THNSL1: variants seen among roughly 807,000 people sequenced by gnomAD.
The protein encoded by THNSL1 is threonine synthase like 1.
A neutral mutation model predicts 50.4 loss-of-function variants in THNSL1; 48 were observed. The observed-to-expected ratio is 0.95, with a 90% CI of 0.76 to 1.21. THNSL1 has a LOEUF of 1.21. THNSL1 is among the 50% of genes most tolerant of loss of function. The probability of loss-of-function intolerance (pLI) is 0.00; values close to 1 mark genes in which losing one functional copy is unlikely to be tolerated. For missense variants in THNSL1, 896 were observed against 871.7 expected, an observed-to-expected ratio of 1.03 and a Z score of -0.35; for synonymous variants, 309 against 306.1, an observed-to-expected ratio of 1.01 and a Z score of -0.10.
upstream of THNSL1, chr10:25,016,120 A>C (rs1486831986): frequency 7.9e-7 from 1 of 1,262,774 alleles, no homozygotes; most frequent in Non-Finnish European, 1.0e-6. Context: ...GGAAGAAAAC[A>C]CCCTATTTCT....
chr10:24,971,483 A>G, the THNSL1 span, among the ~76,000 whole-genome samples: 1 of 152,178 alleles, frequency 6.6e-6, no homozygotes, highest in African/African-American at 2.4e-5. Context: ...CTCCCAAGCA[A>G]TATCAAAGAG....
chr10:25,024,702 A>C lies in THNSL1; in HGVS notation c.1479A>C (p.Gln493His). 6.2e-7 allele frequency: 1 copy of C among 1,614,244 alleles called. No homozygotes were observed. Among genetic ancestry groups the C allele is most frequent in the South Asian group, 1.1e-5 (1 of 91,090 alleles). ...HASAYLDLVSQGFISFGSPVD... is the reference protein window; with the variant it reads ...HASAYLDLVSHGFISFGSPVD... ...CCGCATATCTTGATCTTGTTAGTCA[A>C]GGATTTATTTCTTTTGGAAGCCCAG... Residue 493 changes from glutamine (Q) to histidine (H), a missense_variant, in exon 3 of 3, where the codon CAA becomes CAC. Transcript: ENST00000376356.
the THNSL1 span, among the ~76,000 whole-genome samples, chr10:25,008,296 T>C: frequency 6.6e-6 from 1 of 152,272 alleles, no homozygotes; most frequent in African/African-American, 2.4e-5. Context: ...TATAAGTTAA[T>C]TAAAAAGGGT....
At position 25,022,277 on chromosome 10, in the gene THNSL1, ATTG is replaced by A. The variant is rs1850736567; in HGVS notation, c.-49+374_-49+376del. Among the ~76,000 whole-genome samples the A allele has an allele frequency of 2.0e-5, 3 of 152,262 alleles. No homozygotes were observed. The South Asian group carries it at 6.2e-4, about 32-fold the overall frequency. On this transcript the variant is annotated intron_variant, in intron 2 of 2. Transcript: ENST00000376356. ...TAGAGCTTCTTTGGATGCCAGAATA[ATTG>A]TTGTCTCTCATCATTGGAAACATTC...
the THNSL1 span, among the ~76,000 whole-genome samples, chr10:24,954,700 T>A: frequency 6.6e-6 from 1 of 152,226 alleles, no homozygotes; most frequent in Admixed American, 6.5e-5. Flanking sequence ...GGGCACAGAA[T>A]GATGAGTAAA....
the THNSL1 span, among the ~76,000 whole-genome samples, chr10:24,980,523 T>A: frequency 6.6e-6 from 1 of 152,184 alleles, no homozygotes; most frequent in African/African-American, 2.4e-5. Context: ...GTGTGATTAT[T>A]TCTGTCTTCC....
At chr10:24,968,443 A>G in the THNSL1 span, among the ~76,000 whole-genome samples, 2 of 152,140 alleles carry the variant, frequency 1.3e-5, no homozygotes, top group East Asian at 3.9e-4. Context: ...CACAGGTGCC[A>G]ACATCCCCTT....
the THNSL1 span, among the ~76,000 whole-genome samples, chr10:24,991,593 G>A: frequency 6.6e-6 from 1 of 152,162 alleles, no homozygotes; most frequent in South Asian, 2.1e-4. Context: ...GGTGGGAGGA[G>A]AGCCCGGGCC....
intron 1 of THNSL1, among the ~76,000 whole-genome samples, chr10:25,019,216 C>A (rs764836063): frequency 1.3e-5 from 2 of 152,144 alleles, no homozygotes; most frequent in African/African-American, 4.8e-5. Flanking sequence ...CTCATACCTG[C>A]AATCCAAGCA....
chr10:24,960,796 C>T, the THNSL1 span, among the ~76,000 whole-genome samples: 1 of 152,014 alleles, frequency 6.6e-6, no homozygotes. Context: ...CACTCTGTTG[C>T]CCAGGCTGGT....
chr10:25,001,207 A>C, the THNSL1 span, among the ~76,000 whole-genome samples: 1 of 152,044 alleles, frequency 6.6e-6, no homozygotes, highest in Non-Finnish European at 1.5e-5. Flanking sequence ...TTCTCCATAA[A>C]GGACATTTTT....
At chr10:24,956,774 G>T in the THNSL1 span, among the ~76,000 whole-genome samples, 17 of 152,262 alleles carry the variant, frequency 1.1e-4, no homozygotes, top group Admixed American at 3.3e-4. Context: ...GCTGCAAACT[G>T]GTACCAGCCT....
chr10:25,015,382 A>C (rs1012280499), upstream of THNSL1, among the ~76,000 whole-genome samples: 4 of 152,216 alleles, frequency 2.6e-5, no homozygotes, highest in Non-Finnish European at 5.9e-5. Context: ...TGAGGCTCAA[A>C]AGCAAATGTA....
chr10:24,983,553 T>C, the THNSL1 span: 2 of 152,224 alleles, frequency 1.3e-5, no homozygotes, highest in African/African-American at 4.8e-5. Flanking sequence ...ATTTTATATC[T>C]GCCCTAAGTT....
the THNSL1 span, among the ~76,000 whole-genome samples, chr10:24,954,630 A>C: frequency 5.9e-5 from 9 of 152,260 alleles, no homozygotes; most frequent in East Asian, 1.7e-3. Flanking sequence ...AGACAACAGG[A>C]ATCTTATGAA....
the THNSL1 span, among the ~76,000 whole-genome samples, chr10:25,001,047 A>G: frequency 6.6e-6 from 1 of 152,086 alleles, no homozygotes. Context: ...TGTGTGGTAT[A>G]AAATCCATAA....
the THNSL1 span, chr10:24,999,476 C>G: frequency 3.4e-4 from 555 of 1,612,990 alleles, 2 homozygotes; most frequent in African/African-American, 6.8e-3. Context: ...TTTGCTGGTC[C>G]CATAGTTTTC....
intron 1 of THNSL1, among the ~76,000 whole-genome samples, chr10:25,020,862 C>T (rs1302463908): frequency 6.6e-6 from 1 of 152,000 alleles, no homozygotes; most frequent in East Asian, 1.9e-4. Context: ...TGTAATGTTA[C>T]AAGCAAAAGC....
At chr10:24,954,551 C>T in the THNSL1 span, among the ~76,000 whole-genome samples, 4 of 152,028 alleles carry the variant, frequency 2.6e-5, no homozygotes, top group Non-Finnish European at 4.4e-5. Flanking sequence ...AATCTTCTTC[C>T]CTTAGAAAGG....
Sources: gnomAD v4.1 joint callset for allele counts (sites outside exome capture counted in the v4.1 genomes callset) on GRCh38, gnomAD v4.1.1 for gene constraint, MANE v1.5 for transcripts, NCBI Gene and HGNC (gene_info 2026-07-23, HGNC 2026-07-21) for gene names.